ARNT2: variants seen among roughly 807,000 people sequenced by gnomAD.
ARNT2 encodes aryl hydrocarbon receptor nuclear translocator 2.
ARNT2 carries 36 observed loss-of-function variants against 91.7 expected under a neutral mutation model. The ratio of observed to expected loss-of-function variants is 0.39; its 90% confidence interval spans 0.30 to 0.52. The LOEUF (loss-of-function observed/expected upper bound fraction) is 0.52, where lower values mean the gene tolerates loss of function less well. Among genes scored for constraint, ARNT2 ranks in the 20% least tolerant of loss-of-function variants. The pLI is 0.72. For missense variants in ARNT2, 775 were observed against 939.3 expected (o/e 0.83, Z 2.29); for synonymous variants, 365 against 347.1 (o/e 1.05, Z -0.57).
At chr15:80,533,292 G>C (rs538972342) in intron 8 of ARNT2, among the ~76,000 whole-genome samples, 1 of 152,344 alleles carries the variant, frequency 6.6e-6, no homozygotes, top group South Asian at 2.1e-4. Context: ...TTACAGGGAA[G>C]AGTGTGGAGC....
At chr15:80,486,607 A>C (rs1234424313) in intron 5 of ARNT2, among the ~76,000 whole-genome samples, 2 of 152,220 alleles carry the variant, frequency 1.3e-5, no homozygotes, top group Non-Finnish European at 2.9e-5. Flanking sequence ...GTGTTGAGTC[A>C]AGCCACAAAA....
At chr15:80,508,357 C>T in intron 6 of ARNT2, 99 bp downstream of exon 6, 1 of 1,169,070 alleles carries the variant, frequency 8.6e-7, no homozygotes, top group Non-Finnish European at 1.3e-6. Context: ...TCACACATGC[C>T]AACGTGGGTT....
chr15:80,552,179 T>C (rs1421532297), intron 9 of ARNT2, among the ~76,000 whole-genome samples: 2 of 152,230 alleles, frequency 1.3e-5, no homozygotes, highest in African/African-American at 4.8e-5. Flanking sequence ...GGGTATTGCT[T>C]GCACATGGGT....
In ARNT2 at chr15:80,591,575, T is replaced by C. The variant is rs190799701; in HGVS notation, c.1926T>C (p.Ser642=). 1.2e-6 allele frequency: 2 copies of C among 1,614,114 alleles called. No homozygotes were observed. The highest frequency in any genetic ancestry group is 2.2e-5 in the East Asian group (1 of 44,862). ...GTGTGTCGAATCTTTCAGCTGAAAGTGGACAAAGTAGCGGGCAGTTCCAAG... is the reference window on the plus strand; with the variant it reads ...GTGTGTCGAATCTTTCAGCTGAAAGCGGACAAAGTAGCGGGCAGTTCCAAG... ...LANRTPGFAE[S]GQSSGQFQGR... Residue 642 remains serine (S), a synonymous_variant, in exon 18 of 19, where the codon AGT becomes AGC. Transcript: ENST00000303329. This position sits in a 1 kb window ranked among gnomAD's most constrained non-coding sequence, Gnocchi z 5.1.
At chr15:80,483,108 G>A (rs1225076685) in intron 5 of ARNT2, among the ~76,000 whole-genome samples, 1 of 152,206 alleles carries the variant, frequency 6.6e-6, no homozygotes, top group Non-Finnish European at 1.5e-5. Flanking sequence ...GGTAAAATCT[G>A]TTAAGTGTGT....
At chr15:80,419,197 T>C (rs531038906) in intron 1 of ARNT2, among the ~76,000 whole-genome samples, 7 of 152,302 alleles carry the variant, frequency 4.6e-5, no homozygotes, top group African/African-American at 1.7e-4. Context: ...CATCTCAGTT[T>C]TGGAGTCAGT....
chr15:80,565,967 G>C (rs899183471), intron 12 of ARNT2, among the ~76,000 whole-genome samples: 1 of 152,080 alleles, frequency 6.6e-6, no homozygotes, highest in Non-Finnish European at 1.5e-5. Context: ...TCTAAGCCTC[G>C]GTTGCTTCAT....
At chr15:80,526,214 T>G (rs917245853) in intron 8 of ARNT2, among the ~76,000 whole-genome samples, 1 of 152,224 alleles carries the variant, frequency 6.6e-6, no homozygotes, top group African/African-American at 2.4e-5. Context: ...TTAAAACATT[T>G]GGGATATGAC....
chr15:80,425,024 AAAAT>A (rs1167663688), intron 1 of ARNT2, among the ~76,000 whole-genome samples: 1 of 152,250 alleles, frequency 6.6e-6, no homozygotes, highest in African/African-American at 2.4e-5. Flanking sequence ...ACGAATTACT[AAAAT>A]AAAACTATAT....
At position 80,459,651 on chromosome 15, in the gene ARNT2, A is replaced by G. The variant is rs117307833; in HGVS notation, c.194+1675A>G. Reference sequence around the variant, plus strand: ...AATAGTGCAGGGGTACAAAGAGCTCATTGTATTAGGCCCGATCATTAAGAA... The same window carrying G: ...AATAGTGCAGGGGTACAAAGAGCTCGTTGTATTAGGCCCGATCATTAAGAA... On this transcript the variant is annotated intron_variant, in intron 3 of 18. Coordinates refer to ENST00000303329, the MANE Select transcript of ARNT2 (RefSeq NM_014862.4). Among the ~76,000 whole-genome samples, 204 of 152,308 alleles carry G rather than the reference A, an allele frequency of 1.3e-3. 2 individuals are homozygous for G. In the East Asian group the frequency reaches 0.038, roughly 28 times the overall value.
intron 4 of ARNT2, among the ~76,000 whole-genome samples, chr15:80,472,107 G>T (rs533216189): frequency 1.1e-3 from 2 of 1,862 alleles, no homozygotes; most frequent in African/African-American, 2.1e-3. Context: ...TATAGCCGGT[G>T]GGGGGGCATT....
intron 5 of ARNT2, among the ~76,000 whole-genome samples, chr15:80,481,987 T>A (rs188908088): frequency 1.7e-4 from 26 of 152,292 alleles, no homozygotes; most frequent in Non-Finnish European, 3.2e-4. Context: ...CTGCAGCCTC[T>A]CTTGAGCCTA....
At chr15:80,566,280 G>A (rs1018533231) in intron 12 of ARNT2, among the ~76,000 whole-genome samples, 3 of 152,010 alleles carry the variant, frequency 2.0e-5, no homozygotes, top group Non-Finnish European at 4.4e-5. Context: ...AGATCACCTT[G>A]CCTTCCAACA....
At chr15:80,583,338 C>T (rs1367957749) in intron 17 of ARNT2, among the ~76,000 whole-genome samples, 1 of 152,214 alleles carries the variant, frequency 6.6e-6, no homozygotes, top group Non-Finnish European at 1.5e-5. Context: ...CTTCCCTGCC[C>T]CAACCATCCA....
At chr15:80,464,860 G>T (rs547325524) in intron 3 of ARNT2, among the ~76,000 whole-genome samples, 2 of 152,184 alleles carry the variant, frequency 1.3e-5, no homozygotes, top group African/African-American at 4.8e-5. Flanking sequence ...GAGCCAGTCT[G>T]TGCCTAATAC....
At chr15:80,490,398 T>C (rs1373036791) in intron 5 of ARNT2, among the ~76,000 whole-genome samples, 1 of 152,194 alleles carries the variant, frequency 6.6e-6, no homozygotes, top group African/African-American at 2.4e-5. Context: ...GTGTGAGCCA[T>C]CAGCTGAAGA....
chr15:80,522,820 G>A (rs369816474), intron 8 of ARNT2, among the ~76,000 whole-genome samples: 2,756 of 135,728 alleles, frequency 0.02, 84 homozygotes, highest in African/African-American at 0.066. Context: ...GTGTGTGTGT[G>A]TATATATATA....
chr15:80,480,578 G>A (rs1187626189), intron 5 of ARNT2, among the ~76,000 whole-genome samples: 1 of 152,262 alleles, frequency 6.6e-6, no homozygotes, highest in East Asian at 1.9e-4. Flanking sequence ...GGTCGATTTG[G>A]CCTGTTTCCC....
At chr15:80,416,911 A>G (rs1175908106) in intron 1 of ARNT2, among the ~76,000 whole-genome samples, 1 of 152,182 alleles carries the variant, frequency 6.6e-6, no homozygotes, top group African/African-American at 2.4e-5. Context: ...TTAAGATGCC[A>G]TTTATGTGCT....
Sources: gnomAD v4.1 joint callset for allele counts (sites outside exome capture counted in the v4.1 genomes callset) on GRCh38, gnomAD v4.1.1 for gene constraint, Gnocchi (gnomAD v3.1) non-coding constraint, MANE v1.5 for transcripts, NCBI Gene and HGNC (gene_info 2026-07-23, HGNC 2026-07-21) for gene names.